Variants in DPP3 observed in about 807,000 individuals in gnomAD.
DPP3 encodes the protein DPP III.
Under a neutral mutation model 89.8 loss-of-function variants are expected in DPP3, and 64 were observed. That is an observed-to-expected ratio of 0.71 (90% CI 0.58 to 0.88). DPP3 has a LOEUF of 0.88. Among genes scored for constraint, DPP3 ranks in the 40% least tolerant of loss-of-function variants. The pLI is 0.00. For synonymous variants in DPP3, 377 were observed against 404.3 expected (o/e 0.93, Z 0.81); for missense variants, 835 against 972.5 (o/e 0.86, Z 1.88).
intron 1 of DPP3, chr11:66,481,941 C>A: frequency 1.9e-6 from 1 of 538,424 alleles, no homozygotes; most frequent in South Asian, 2.2e-5. Flanking sequence ...AGCCACCATG[C>A]CTGACCTTAG....
At chr11:66,488,114 C>T (rs1855284765) in intron 6 of DPP3, 107 bp downstream of exon 6, 2 of 969,584 alleles carry the variant, frequency 2.1e-6, no homozygotes, top group Non-Finnish European at 3.0e-6. Flanking sequence ...GCATCCTTCT[C>T]TCCCAGGATT....
At chr11:66,486,872 A>C (rs528503777) in intron 4 of DPP3, among the ~76,000 whole-genome samples, 195 bp downstream of exon 4, 4 of 152,294 alleles carry the variant, frequency 2.6e-5, no homozygotes, top group African/African-American at 9.6e-5. Context: ...TGCTTTCTGA[A>C]TGCCCTCCCA....
At chr11:66,480,604 A>C in intron 1 of DPP3, 139 bp downstream of exon 1, 1 of 1,019,888 alleles carries the variant, frequency 9.8e-7, no homozygotes, top group Non-Finnish European at 1.3e-6. Flanking sequence ...CCTCGAGGCC[A>C]AGGAGTGCTC....
intron 17 of DPP3, among the ~76,000 whole-genome samples, chr11:66,508,709 T>C (rs1226475900): frequency 6.6e-6 from 1 of 151,972 alleles, no homozygotes; most frequent in Non-Finnish European, 1.5e-5. Flanking sequence ...ATGTTTAGTA[T>C]AAACAGTGTT....
At chr11:66,495,148 G>T in intron 12 of DPP3, 58 bp from the exon 13 acceptor site, 1 of 1,611,546 alleles carries the variant, frequency 6.2e-7, no homozygotes, top group Non-Finnish European at 8.5e-7. Flanking sequence ...GGATTCTGGG[G>T]CTGGAGGCCT....
At chr11:66,503,670 G>A (rs1855732443) in intron 16 of DPP3, among the ~76,000 whole-genome samples, 2 of 152,124 alleles carry the variant, frequency 1.3e-5, no homozygotes, top group Admixed American at 6.5e-5. Context: ...GGCAGATCTC[G>A]AGATCAGGAG....
chr11:66,480,663 T>G (rs1319662530), intron 1 of DPP3, 198 bp downstream of exon 1: 1 of 535,388 alleles, frequency 1.9e-6, no homozygotes, highest in African/African-American at 2.0e-5. Context: ...GGCTGTGCTA[T>G]TGGGGCGGGG....
intron 2 of DPP3, 116 bp from the exon 3 acceptor site, chr11:66,485,057 C>T (rs1240948223): frequency 4.0e-6 from 4 of 995,760 alleles, no homozygotes; most frequent in African/African-American, 1.6e-5. Flanking sequence ...CCTGCCCACA[C>T]ATTTCCCAGC....
intron 9 of DPP3, 80 bp from the exon 10 acceptor site, chr11:66,492,636 C>A: frequency 6.8e-7 from 1 of 1,479,596 alleles, no homozygotes; most frequent in Non-Finnish European, 9.1e-7. Context: ...GCATTCAGTA[C>A]ATGCGTGATG....
rs150443690 is a variant in DPP3 at position 66,480,436 on chromosome 11, G to C, written c.-38G>C. 14 of 1,485,950 alleles carry C rather than the reference G, an allele frequency of 9.4e-6. No homozygotes were observed. The highest frequency in any genetic ancestry group is 1.3e-5 in the South Asian group (1 of 78,658). The allele number at this position is 1,485,950 out of a possible 1,614,324, so 92.0% of individuals were successfully genotyped here. On this transcript the variant is annotated 5_prime_UTR_variant, in exon 1 of 18. Transcript: ENST00000531863. ...TGAATGGGGGAGCCGGAAGCAGGAA[G>C]TGAGTTTGCGAACGGAGCAGCTGCT... is the stretch of plus-strand genomic sequence containing the variant.
intron 13 of DPP3, 30 bp from the exon 14 acceptor site, chr11:66,495,335 T>C (rs10791878): frequency 1 from 1,613,610 of 1,613,928 alleles, 806,646 homozygotes; most frequent in Middle Eastern, 1. Flanking sequence ...AGTGGCCACC[T>C]TAAGCCCGAC....
chr11:66,493,559 A>G lies in DPP3; in HGVS notation c.1315A>G (p.Lys439Glu), dbSNP rs1855454085. 1 of 1,613,072 alleles carries G rather than the reference A, an allele frequency of 6.2e-7. No homozygotes were observed. The highest frequency in any genetic ancestry group is 1.1e-5 in the South Asian group (1 of 91,074). ...EDDKDLYILW[K>E]GPSFDVQVGL... ...TTGGCAGGACCTGTACATCCTCTGG[A>G]AGGGGCCCTCCTTCGATGTGCAGGT... is the stretch of plus-strand genomic sequence containing the variant. The change falls in exon 12 of 18, where the codon AAG becomes GAG. Residue 439 changes from lysine to glutamate, a missense_variant. By Grantham distance (56) the Lys-to-Glu change is moderately conservative. Coordinates refer to ENST00000531863, the MANE Select transcript of DPP3 (RefSeq NM_130443.4).
chr11:66,509,055 G>A (rs2134760674), intron 17 of DPP3, 24 bp from the exon 18 acceptor site: 1 of 1,611,936 alleles, frequency 6.2e-7, no homozygotes, highest in Non-Finnish European at 8.5e-7. Flanking sequence ...TTTCCCTGCT[G>A]TTTTCTCTCC....
rs751400180 is a variant in DPP3 at position 66,491,244 on chromosome 11, T to C, written c.668-9T>C. 35 of 1,612,674 alleles carry C rather than the reference T, an allele frequency of 2.2e-5. No individual in the cohort carries two copies. The highest frequency in any genetic ancestry group is 2.9e-5 in the Non-Finnish European group (34 of 1,179,860). On this transcript the variant is annotated splice_polypyrimidine_tract_variant and intron_variant, in intron 6 of 17. Coordinates refer to ENST00000531863, the MANE Select transcript of DPP3 (RefSeq NM_130443.4). The stretch of plus-strand genomic sequence containing the variant: ...GCCTTTTCTCTTGAATGACACCTTC[T>C]TTCCCCAGAGCCTTCCCTGGACTCT...
rs188735240 is a variant in DPP3, at chr11:66,481,405, G to A, written c.-8-788G>A. ...CTTTGGAGGCTGAGGCAGGAGAATC[G>A]CTTGAACCCGGGAGGCGGAGGTTGC... On this transcript the variant is annotated intron_variant, in intron 1 of 17. Transcript: ENST00000531863. Among the ~76,000 whole-genome samples the A allele has an allele frequency of 7.2e-3, 1,094 of 152,116 alleles. 16 individuals carry two copies. The highest frequency in any genetic ancestry group is 0.024 in the African/African-American group (984 of 41,520).
intron 1 of DPP3, 134 bp from the exon 2 acceptor site, chr11:66,482,059 C>A: frequency 2.3e-6 from 3 of 1,292,176 alleles, no homozygotes; most frequent in Non-Finnish European, 3.2e-6. Flanking sequence ...GTTAGCATAT[C>A]TGGTGAATGG....
chr11:66,493,564 GC>G lies in DPP3; in HGVS notation c.1323del (p.Ser442ProfsTer35). The G allele has an allele frequency of 1.2e-6, 2 of 1,613,222 alleles. No homozygotes were observed. Among genetic ancestry groups the G allele is most frequent in the Non-Finnish European group, 1.7e-6 (2 of 1,179,918 alleles). ...AGGACCTGTACATCCTCTGGAAGGG[GC>G]CCTCCTTCGATGTGCAGGTGGGCCT... Reference protein sequence around the residue: ...DKDLYILWKGPSFDVQVGLHE... With the variant: ...DKDLYILWKGXSFDVQVGLHE... On this transcript the variant is annotated frameshift_variant, in exon 12 of 18. Transcript: ENST00000531863. LOFTEE classifies it high-confidence loss of function.
intron 5 of DPP3, 48 bp from the exon 6 acceptor site, chr11:66,487,866 C>G: frequency 6.3e-7 from 1 of 1,575,264 alleles, no homozygotes; most frequent in Non-Finnish European, 8.7e-7. Context: ...TCCCACCCCA[C>G]TGCCCTCTCC....
intron 16 of DPP3, among the ~76,000 whole-genome samples, chr11:66,502,744 G>A (rs1193368242): frequency 8.6e-5 from 13 of 150,954 alleles, no homozygotes; most frequent in East Asian, 5.9e-4. Flanking sequence ...GATTACAGGC[G>A]TGAGACACCA....
Sources: allele counts gnomAD v4.1 joint callset (sites outside exome capture counted in the v4.1 genomes callset), GRCh38; gene constraint gnomAD v4.1.1; transcripts MANE v1.5; gene names NCBI Gene and HGNC (gene_info 2026-07-23, HGNC 2026-07-21).